Variants in GDAP2 observed in about 807,000 individuals in gnomAD.
GDAP2 encodes the protein ganglioside-induced differentiation-associated protein 2.
GDAP2 carries 51 observed loss-of-function variants against 67.0 expected under a neutral mutation model. The ratio of observed to expected loss-of-function variants is 0.76; its 90% CI spans 0.61 to 0.96. The LOEUF is 0.96. Ranked by LOEUF, GDAP2 falls within the 40% of genes least tolerant of loss-of-function variation. GDAP2 has a pLI of 0.00. For synonymous variants in GDAP2, 203 were observed against 207.3 expected (o/e 0.98, Z 0.18); for missense variants, 547 against 588.3 (o/e 0.93, Z 0.73).
At chr1:117,891,512 G>A (rs1649084359) in intron 8 of GDAP2, among the ~76,000 whole-genome samples, 2 of 152,058 alleles carry the variant, frequency 1.3e-5, no homozygotes, top group African/African-American at 2.4e-5. Flanking sequence ...TCAGTAATGA[G>A]GTTGAGATTC....
chr1:117,887,518 G>T (rs944089187), intron 9 of GDAP2, among the ~76,000 whole-genome samples, 180 bp downstream of exon 9: 1 of 152,178 alleles, frequency 6.6e-6, no homozygotes, highest in African/African-American at 2.4e-5. Context: ...AGTTGAAAAT[G>T]TTATAGATTG....
intron 3 of GDAP2, among the ~76,000 whole-genome samples, chr1:117,915,231 G>A (rs1650007107): frequency 6.6e-6 from 1 of 152,156 alleles, no homozygotes; most frequent in Non-Finnish European, 1.5e-5. Flanking sequence ...TAGACATAAT[G>A]TCAAGTTTAT....
Position 117,918,487 on chromosome 1 carries a change from GA to G in GDAP2, c.316+109del, listed in dbSNP as rs1650125420. ...CAGTTTTTATTTAGTTTTAACAAAA[GA>G]AAAACAGCTACATCTACAAAATTTT... On this transcript the variant is annotated intron_variant, in intron 3 of 13. Transcript: ENST00000369443. The G allele has an allele frequency of 1.5e-5, 11 of 740,352 alleles. No individual in the cohort carries two copies. The East Asian group carries it at 2.9e-4, about 19-fold the overall frequency. 45.9% of individuals were successfully genotyped at this position (740,352 alleles called of 1,614,324 possible).
intron 10 of GDAP2, among the ~76,000 whole-genome samples, chr1:117,884,723 T>C (rs1648786190): frequency 6.6e-6 from 1 of 152,072 alleles, no homozygotes; most frequent in Non-Finnish European, 1.5e-5. Context: ...CACATTATTA[T>C]GAAAATGAGG....
At chr1:117,908,570 C>T (rs1649737793) in intron 5 of GDAP2, among the ~76,000 whole-genome samples, 2 of 152,116 alleles carry the variant, frequency 1.3e-5, no homozygotes, top group African/African-American at 4.8e-5. Flanking sequence ...TGGCTATAAT[C>T]CCAGCACTTT....
chr1:117,882,286 G>A (rs538021787), intron 11 of GDAP2, among the ~76,000 whole-genome samples: 1 of 152,066 alleles, frequency 6.6e-6, no homozygotes. Flanking sequence ...ACAGATTGTT[G>A]TAACAATCTG....
chr1:117,899,282 T>C, intron 6 of GDAP2, 66 bp from the exon 7 acceptor site: 2 of 1,103,562 alleles, frequency 1.8e-6, no homozygotes, highest in Admixed American at 1.7e-5. Flanking sequence ...CAGCAGTACT[T>C]AGTGCTGTTC....
intron 8 of GDAP2, among the ~76,000 whole-genome samples, chr1:117,890,085 C>A (rs933326907): frequency 6.6e-6 from 1 of 151,862 alleles, no homozygotes; most frequent in East Asian, 1.9e-4. Flanking sequence ...TATTACAGTA[C>A]GAAGAAAATT....
At chr1:117,922,882 G>A (rs868443676) in intron 1 of GDAP2, among the ~76,000 whole-genome samples, 4 of 152,312 alleles carry the variant, frequency 2.6e-5, no homozygotes, top group Middle Eastern at 3.4e-3. Context: ...AAGCCTGGGG[G>A]CGTTGCAGGA....
At chr1:117,877,390 T>C in intron 13 of GDAP2, 1 of 982,672 alleles carries the variant, frequency 1.0e-6, no homozygotes, top group Non-Finnish European at 1.2e-6. Flanking sequence ...TTTGGCCAAG[T>C]GTGTTACTTT....
At chr1:117,915,370 A>C (rs1167451497) in intron 3 of GDAP2, among the ~76,000 whole-genome samples, 2 of 152,218 alleles carry the variant, frequency 1.3e-5, no homozygotes, top group African/African-American at 4.8e-5. Flanking sequence ...CTGGATTACA[A>C]AATACCACAC....
chr1:117,892,147 G>A (rs1379886359), intron 8 of GDAP2, among the ~76,000 whole-genome samples: 1 of 151,946 alleles, frequency 6.6e-6, no homozygotes, highest in East Asian at 1.9e-4. Flanking sequence ...TCTTCATCAG[G>A]TTTCTTCTTT....
chr1:117,919,068 C>T (rs910630089), intron 2 of GDAP2, among the ~76,000 whole-genome samples: 5 of 152,134 alleles, frequency 3.3e-5, no homozygotes, highest in African/African-American at 9.7e-5. Context: ...GAATATTATT[C>T]AATCCTAATA....
chr1:117,883,477 A>G lies in GDAP2; in HGVS notation c.1247+11T>C, dbSNP rs1459652779. 2 of 1,606,444 alleles carry G rather than the reference A, an allele frequency of 1.2e-6. No individual in the cohort carries two copies. Among genetic ancestry groups the G allele is most frequent in the Non-Finnish European group, 1.7e-6 (2 of 1,175,468 alleles). On this transcript the variant is annotated intron_variant, in intron 11 of 13. Transcript: ENST00000369443. ...ACTATTTCCCCTTCATAATTTGCAA[A>G]AATAACTAACTTGACATCAACAACA...
chr1:117,896,289 G>A (rs1347864378), intron 8 of GDAP2, among the ~76,000 whole-genome samples: 1 of 152,088 alleles, frequency 6.6e-6, no homozygotes, highest in Non-Finnish European at 1.5e-5. Flanking sequence ...ACAAAGACTT[G>A]ATCTTTGGGA....
intron 12 of GDAP2, among the ~76,000 whole-genome samples, chr1:117,881,021 T>C (rs1648631138): frequency 6.6e-6 from 1 of 151,594 alleles, no homozygotes; most frequent in African/African-American, 2.4e-5. Context: ...AGGTTTGGAG[T>C]GGGAAGGTAA....
chr1:117,928,489 C>T (rs61806137), intron 1 of GDAP2, among the ~76,000 whole-genome samples: 65 of 152,312 alleles, frequency 4.3e-4, no homozygotes, highest in Non-Finnish European at 7.9e-4. Flanking sequence ...CTCCCTTTCC[C>T]ACCAAGCTTA....
In GDAP2 at chr1:117,866,016, G is replaced by C. The variant is rs927085094; in HGVS notation, c.*4553C>G. On this transcript the variant is annotated 3_prime_UTR_variant, in exon 14 of 14. Coordinates refer to ENST00000369443, the MANE Select transcript of GDAP2 (RefSeq NM_017686.4). ...ATGCATGTATATGTATATATGGTTA[G>C]GCCTACCAGGCAATCCTTATCATCT... 1 of 152,162 alleles carries C rather than the reference G, an allele frequency of 6.6e-6. No homozygotes were observed. The highest frequency in any genetic ancestry group is 1.5e-5 in the Non-Finnish European group (1 of 68,032). The allele number at this position is 152,162 out of a possible 1,614,324, so 9.4% of individuals were successfully genotyped here. A position where few individuals can be genotyped will look rare whatever the true frequency, so the allele number is the denominator to read the frequency against.
Position 117,912,086 on chromosome 1 carries a change from C to A in GDAP2, c.471-4G>T. 1 of 1,585,454 alleles carries A rather than the reference C, an allele frequency of 6.3e-7. No homozygotes were observed. On this transcript the variant is annotated splice_polypyrimidine_tract_variant and splice_region_variant and intron_variant, in intron 4 of 13. Transcript: ENST00000369443. Reference sequence around the variant, plus strand: ...AACAGAAGACATTGACTGCTCTCTGCAACAAAGGGAAAACACAAAAATTGC... The same window carrying A: ...AACAGAAGACATTGACTGCTCTCTGAAACAAAGGGAAAACACAAAAATTGC...
Sources: allele counts gnomAD v4.1 joint callset (sites outside exome capture counted in the v4.1 genomes callset), GRCh38; gene constraint gnomAD v4.1.1; transcripts MANE v1.5; gene names NCBI Gene and HGNC (gene_info 2026-07-23, HGNC 2026-07-21).